The following PLK4 variants were observed in gnomAD, a reference collection of about 807,000 sequenced individuals.
PLK4 encodes polo like kinase 4, also known as serine/threonine-protein kinase PLK4.
A neutral mutation model predicts 103.0 loss-of-function variants in PLK4; 51 were observed. The ratio of observed to expected loss-of-function variants is 0.50; its 90% confidence interval spans 0.40 to 0.63. The LOEUF (loss-of-function observed/expected upper bound fraction) is 0.63. PLK4 is among the 20% of genes least tolerant of loss of function. The probability of loss-of-function intolerance (pLI) is 0.00; values close to 1 mark genes in which losing one functional copy is unlikely to be tolerated. For missense variants in PLK4, 1,054 were observed against 1,151.0 expected, an observed-to-expected ratio of 0.92 and a Z score of 1.22; for synonymous variants, 389 against 376.8, an observed-to-expected ratio of 1.03 and a Z score of -0.38.
At chr4:127,882,302 A>T (rs1191446152) in intron 2 of PLK4, among the ~76,000 whole-genome samples, 1 of 152,214 alleles carries the variant, frequency 6.6e-6, no homozygotes, top group African/African-American at 2.4e-5. Flanking sequence ...GCCTAATAGG[A>T]GTAACATAAA....
chr4:127,883,219 T>G, intron 2 of PLK4, 43 bp from the exon 3 acceptor site: 2 of 999,936 alleles, frequency 2.0e-6, no homozygotes, highest in Non-Finnish European at 3.1e-6. Flanking sequence ...TTTAAGCAGT[T>G]TATATTTGAA....
At chr4:127,890,346 C>T in intron 7 of PLK4, 110 bp downstream of exon 7, 1 of 718,370 alleles carries the variant, frequency 1.4e-6, no homozygotes, top group Non-Finnish European at 2.1e-6. Flanking sequence ...GGGGTGTATA[C>T]ATGATCAACT....
At chr4:127,895,231 G>T in intron 14 of PLK4, 138 bp downstream of exon 14, 2 of 545,656 alleles carry the variant, frequency 3.7e-6, no homozygotes, top group Non-Finnish European at 6.1e-6. Context: ...TTTAACATTG[G>T]TTATATCATT....
chr4:127,887,004 C>A (rs779826265), intron 5 of PLK4, among the ~76,000 whole-genome samples: 3 of 152,036 alleles, frequency 2.0e-5, no homozygotes, highest in Non-Finnish European at 2.9e-5. Flanking sequence ...ATTAGTCATG[C>A]CTTACCCCCT....
intron 1 of PLK4, chr4:127,881,471 C>T (rs1734923359): frequency 9.0e-7 from 1 of 1,115,342 alleles, no homozygotes; most frequent in Non-Finnish European, 1.2e-6. Flanking sequence ...CTACCTCCCA[C>T]TTCTCCAAGG....
chr4:127,891,874 A>T, intron 9 of PLK4, 193 bp downstream of exon 9: 1 of 322,640 alleles, frequency 3.1e-6, no homozygotes, highest in African/African-American at 2.1e-5. Context: ...CTGTGTTATA[A>T]TGGTACTATA....
chr4:127,883,202 G>A (rs997761411), intron 2 of PLK4, 60 bp from the exon 3 acceptor site: 16 of 844,818 alleles, frequency 1.9e-5, no homozygotes, highest in Non-Finnish European at 2.7e-5. Flanking sequence ...TATTTTCAAA[G>A]TTCACTTTTA....
At chr4:127,885,566 C>T in intron 4 of PLK4, 142 bp from the exon 5 acceptor site, 1 of 631,400 alleles carries the variant, frequency 1.6e-6, no homozygotes, top group Non-Finnish European at 2.8e-6. Context: ...ATTGAAGTGG[C>T]TGGTAAATCT....
At chr4:127,885,567 TG>T in intron 4 of PLK4, 140 bp from the exon 5 acceptor site, 1 of 641,946 alleles carries the variant, frequency 1.6e-6, no homozygotes. Flanking sequence ...TTGAAGTGGC[TG>T]GTAAATCTAA....
intron 4 of PLK4, 58 bp from the exon 5 acceptor site, chr4:127,885,650 G>T: frequency 1.5e-6 from 2 of 1,295,598 alleles, no homozygotes; most frequent in Non-Finnish European, 1.1e-6. Flanking sequence ...CTAAATACTA[G>T]ATACTGAATC....
In PLK4 at chr4:127,893,579, C is replaced by T. The variant is rs759869996; in HGVS notation, c.2389C>T (p.Pro797Ser). The T allele has an allele frequency of 6.2e-7, 1 of 1,612,046 alleles. No homozygotes were observed. Among genetic ancestry groups the T allele is most frequent in the South Asian group, 1.1e-5 (1 of 90,778 alleles). The change falls in exon 12 of 16, where the codon CCC becomes TCC. Residue 797 changes from proline to serine, a missense_variant. This residue lies in a region of PLK4 where 167 missense variants were observed against 200.7 expected (regional missense o/e 0.83). Transcript: ENST00000270861. The stretch of plus-strand genomic sequence containing the variant: ...AGAGGAAAGGAAAACTAGGAGTGCT[C>T]CCTTTTTCCCAATAATCATAGGAAG... The part of the protein sequence containing the change: ...SEEERKTRSA[P>S]FFPIIIGRKP...
intron 10 of PLK4, chr4:127,893,076 T>C: frequency 2.6e-6 from 1 of 382,894 alleles, no homozygotes; most frequent in Non-Finnish European, 4.6e-6. Context: ...TGTAAAAGTA[T>C]CAGGCTTAAA....
intron 6 of PLK4, among the ~76,000 whole-genome samples, chr4:127,888,117 T>C (rs565707883): frequency 8.1e-6 from 1 of 123,552 alleles, no homozygotes; most frequent in East Asian, 2.5e-4. Context: ...GAGACAGAGG[T>C]TGCAGTGAGC....
chr4:127,893,715 T>C lies in PLK4; in HGVS notation c.2415-19T>C. 1 of 1,602,196 alleles carries C rather than the reference T, an allele frequency of 6.2e-7. No individual in the cohort carries two copies. The highest frequency in any genetic ancestry group is 1.7e-5 in the Admixed American group (1 of 58,788). ...AATTGAAAGCTTCAAGGGAATATAT[T>C]TGGACTTTTCCCCTTCAGAAAACCT... On this transcript the variant is annotated intron_variant, in intron 12 of 15. Coordinates refer to ENST00000270861, the MANE Select transcript of PLK4 (RefSeq NM_014264.5).
At chr4:127,894,061 A>G (rs566758027) in intron 13 of PLK4, among the ~76,000 whole-genome samples, 180 bp downstream of exon 13, 1 of 152,274 alleles carries the variant, frequency 6.6e-6, no homozygotes, top group South Asian at 2.1e-4. Context: ...AGTTCTTTAA[A>G]CAAGTCAAAG....
Position 127,886,555 on chromosome 4 carries a change from A to G in PLK4, c.1185A>G (p.Thr395=), listed in dbSNP as rs919622786. 1 of 1,614,102 alleles carries G rather than the reference A, an allele frequency of 6.2e-7. No homozygotes were observed. Among genetic ancestry groups the G allele is most frequent in the Non-Finnish European group, 8.5e-7 (1 of 1,179,988 alleles). The change falls in exon 5 of 16, where the codon ACA becomes ACG. Residue 395 remains threonine (T), a synonymous_variant. Coordinates refer to ENST00000270861, the MANE Select transcript of PLK4 (RefSeq NM_014264.5). ...SNSQSQAKTY[T]MERCHSAEML... is the part of the protein sequence containing the mutation. The stretch of plus-strand genomic sequence containing the variant: ...GTCAGTCTCAAGCAAAAACATATAC[A>G]ATGGAACGATGTCACTCAGCAGAAA...
chr4:127,881,445 T>A, intron 1 of PLK4: 1 of 1,322,944 alleles, frequency 7.6e-7, no homozygotes, highest in South Asian at 1.6e-5. Flanking sequence ...AGCTACCGCG[T>A]TAGAGCAGGG....
chr4:127,883,166 A>G, intron 2 of PLK4, 96 bp from the exon 3 acceptor site: 2 of 646,578 alleles, frequency 3.1e-6, no homozygotes, highest in Non-Finnish European at 5.4e-6. Flanking sequence ...GTATAAAAGG[A>G]CTTCAGTCTA....
rs548742536 is a variant in PLK4, at chr4:127,897,150, C to T, written c.2810+243C>T. 2.6e-5 allele frequency among the ~76,000 whole-genome samples: 4 copies of T among 152,226 alleles called. No individual in the cohort carries two copies. The South Asian group carries it at 8.3e-4, about 32-fold the overall frequency. ...TCTAAGAGGTTGGGTTCCTTGTAGC[C>T]TTACTGTTCCATAGTGTAACTCGAT... On this transcript the variant is annotated intron_variant, in intron 15 of 15. Coordinates refer to ENST00000270861, the MANE Select transcript of PLK4 (RefSeq NM_014264.5).
Sources: gnomAD v4.1 joint callset for allele counts (sites outside exome capture counted in the v4.1 genomes callset) on GRCh38, gnomAD v4.1.1 for gene constraint, gnomAD v4.1.1 regional missense constraint, MANE v1.5 for transcripts, NCBI Gene and HGNC (gene_info 2026-07-23, HGNC 2026-07-21) for gene names.